COG7: variants seen among roughly 807,000 people sequenced by gnomAD.
The protein encoded by COG7 is component of oligomeric golgi complex 7.
In COG7, 49 loss-of-function variants were observed where a neutral mutation model predicts 91.5. That is an observed-to-expected ratio of 0.54 (90% CI 0.43 to 0.68). COG7 has a LOEUF of 0.68. Ranked by LOEUF, COG7 falls within the 30% of genes least tolerant of loss-of-function variation. The pLI is 0.00. For synonymous variants in COG7, 365 were observed against 388.7 expected (o/e 0.94, Z 0.72); for missense variants, 895 against 961.3 (o/e 0.93, Z 0.91).
intron 14 of COG7, 85 bp from the exon 15 acceptor site, chr16:23,393,432 CAGAG>C: frequency 4.8e-6 from 5 of 1,034,912 alleles, no homozygotes; most frequent in Non-Finnish European, 7.5e-6. Flanking sequence ...AGGCAAACGG[CAGAG>C]AGACAAAATT....
chr16:23,404,707 G>C (rs1407478377), intron 12 of COG7, among the ~76,000 whole-genome samples: 3 of 152,224 alleles, frequency 2.0e-5, no homozygotes, highest in Non-Finnish European at 4.4e-5. Context: ...ATCACCTGAG[G>C]TCAGGAGTTC....
chr16:23,418,261 T>C (rs1963689232), intron 8 of COG7, among the ~76,000 whole-genome samples: 1 of 152,172 alleles, frequency 6.6e-6, no homozygotes, highest in Admixed American at 6.5e-5. Context: ...TTCCAGTACT[T>C]TGGAAGCCCA....
intron 4 of COG7, chr16:23,441,844 TA>T (rs1964106536): frequency 6.5e-6 from 1 of 153,046 alleles, no homozygotes; most frequent in Non-Finnish European, 1.5e-5. Context: ...GCATTCGCAC[TA>T]GAAGACAGAA....
chr16:23,401,715 A>G (rs1304550556), intron 13 of COG7, among the ~76,000 whole-genome samples: 1 of 151,960 alleles, frequency 6.6e-6, no homozygotes, highest in Non-Finnish European at 1.5e-5. Context: ...TTTTTTTCAT[A>G]ACCTTGGAGA....
At chr16:23,422,998 TCA>T (rs1963784267) in intron 7 of COG7, among the ~76,000 whole-genome samples, 1 of 138,242 alleles carries the variant, frequency 7.2e-6, no homozygotes, top group African/African-American at 2.8e-5. Flanking sequence ...TGAGCCAAGA[TCA>T]CGCCACTGCA....
chr16:23,445,713 C>T, intron 2 of COG7, 100 bp downstream of exon 2: 2 of 1,220,524 alleles, frequency 1.6e-6, no homozygotes, highest in Non-Finnish European at 2.4e-6. Context: ...GATGGTTGGC[C>T]TCCCAAAACA....
rs759896983 is a variant in COG7 at position 23,453,002 on chromosome 16, C to A, written c.-8G>T. On this transcript the variant is annotated 5_prime_UTR_variant, in exon 1 of 17. Transcript: ENST00000307149. ...GAACTTGGAGAAGTCCATGGCGGAA[C>A]TGCCTCAGGCCTGGCGTCCAGAACT... 28 of 1,613,936 alleles carry A rather than the reference C, an allele frequency of 1.7e-5. No individual in the cohort carries two copies. Among genetic ancestry groups the A allele is most frequent in the Middle Eastern group, 3.3e-4 (2 of 6,070 alleles).
Position 23,431,076 on chromosome 16 carries a change from CAG to C in COG7, c.810+2467_810+2468del, listed in dbSNP as rs1337429892. Among the ~76,000 whole-genome samples the C allele has an allele frequency of 5.9e-5, 9 of 152,086 alleles. No individual in the cohort carries two copies. In the East Asian group the frequency reaches 1.7e-3, roughly 30 times the overall value. On this transcript the variant is annotated intron_variant, in intron 6 of 16. Coordinates refer to ENST00000307149, the MANE Select transcript of COG7 (RefSeq NM_153603.4). Reference sequence around the variant, plus strand: ...AAAATAAGATGGATTAATGAACAGACAGAGACAGGGATAGACAGGCAGATCTG... The same window carrying C: ...AAAATAAGATGGATTAATGAACAGACAGACAGGGATAGACAGGCAGATCTG...
At chr16:23,425,176 G>T (rs559545251) in intron 6 of COG7, among the ~76,000 whole-genome samples, 8 of 152,264 alleles carry the variant, frequency 5.3e-5, no homozygotes, top group African/African-American at 1.9e-4. Context: ...CGGGTGTGAT[G>T]GCGCATGCCT....
intron 9 of COG7, chr16:23,416,494 G>A (rs1394363636): frequency 8.1e-6 from 2 of 246,726 alleles, no homozygotes; most frequent in Non-Finnish European, 1.6e-5. Context: ...ACAGAGGCAT[G>A]CTCAGTATTT....
intron 1 of COG7, among the ~76,000 whole-genome samples, chr16:23,447,588 T>A (rs919640202): frequency 4.6e-5 from 7 of 151,444 alleles, no homozygotes; most frequent in African/African-American, 7.3e-5. Context: ...AGACCCTGTT[T>A]CTTAAAAATA....
At chr16:23,416,698 T>TC (rs1301261260) in intron 9 of COG7, 4 of 506,042 alleles carry the variant, frequency 7.9e-6, no homozygotes, top group African/African-American at 7.7e-5. Flanking sequence ...TCTTTTTTTT[T>TC]CTTAACATAC....
intron 11 of COG7, among the ~76,000 whole-genome samples, chr16:23,407,841 C>T (rs533631709): frequency 1.3e-5 from 2 of 151,890 alleles, no homozygotes; most frequent in South Asian, 2.1e-4. Flanking sequence ...TTTACAAGTT[C>T]CCATGGCTGA....
intron 6 of COG7, among the ~76,000 whole-genome samples, chr16:23,430,880 TTGAC>T: frequency 6.6e-6 from 1 of 152,040 alleles, no homozygotes; most frequent in African/African-American, 2.4e-5. Flanking sequence ...AATAAGATGA[TTGAC>T]TGGGCACTTT....
intron 11 of COG7, among the ~76,000 whole-genome samples, chr16:23,408,283 G>C (rs1417651269): frequency 6.7e-5 from 1 of 14,872 alleles, no homozygotes; most frequent in African/African-American, 3.1e-4. Flanking sequence ...CGGGAGGCAG[G>C]GGGCGAGTGG....
intron 11 of COG7, 58 bp from the exon 12 acceptor site, chr16:23,406,320 G>A: frequency 7.0e-6 from 10 of 1,430,160 alleles, no homozygotes; most frequent in Non-Finnish European, 9.8e-6. Flanking sequence ...CTTTCTTCTT[G>A]GAGCAGTCAG....
intron 1 of COG7, among the ~76,000 whole-genome samples, chr16:23,451,771 C>T (rs980781184): frequency 6.6e-6 from 1 of 151,404 alleles, no homozygotes; most frequent in Non-Finnish European, 1.5e-5. Context: ...TGAGACCAGC[C>T]TATCTTCCTC....
chr16:23,398,936 C>T (rs549033000), intron 13 of COG7, among the ~76,000 whole-genome samples: 1 of 152,324 alleles, frequency 6.6e-6, no homozygotes, highest in Non-Finnish European at 1.5e-5. Context: ...TGCACATGTG[C>T]TCACAGACTT....
chr16:23,411,589 G>C (rs1963562816), intron 10 of COG7, among the ~76,000 whole-genome samples: 1 of 152,160 alleles, frequency 6.6e-6, no homozygotes, highest in African/African-American at 2.4e-5. Context: ...ATCGTGGTTT[G>C]CTGCACCTAT....
Sources: gnomAD v4.1 joint callset for allele counts (sites outside exome capture counted in the v4.1 genomes callset) on GRCh38, gnomAD v4.1.1 for gene constraint, MANE v1.5 for transcripts, NCBI Gene and HGNC (gene_info 2026-07-23, HGNC 2026-07-21) for gene names.